RAB11FIP1: variants seen among roughly 807,000 people sequenced by gnomAD.
RAB11FIP1 encodes RAB11 family interacting protein 1.
In RAB11FIP1, 49 loss-of-function variants were observed where a neutral mutation model predicts 83.1. The ratio of observed to expected loss-of-function variants is 0.59; its 90% CI spans 0.47 to 0.75. The LOEUF (loss-of-function observed/expected upper bound fraction) is 0.75. RAB11FIP1 is among the 30% of genes least tolerant of loss of function. RAB11FIP1 has a pLI of 0.00. For synonymous variants in RAB11FIP1, 670 were observed against 656.0 expected (o/e 1.02, Z -0.33); for missense variants, 1,536 against 1,598.7 (o/e 0.96, Z 0.67).
rs1345850728 is a variant in RAB11FIP1 at position 37,899,020 on chromosome 8, G to A, written c.371+51C>T. 4.9e-6 allele frequency: 7 copies of A among 1,415,206 alleles called. No homozygotes were observed. The highest frequency in any genetic ancestry group is 5.5e-6 in the Non-Finnish European group (6 of 1,093,688). 87.7% of individuals were successfully genotyped at this position (1,415,206 alleles called of 1,614,324 possible). A position where few individuals can be genotyped will look rare whatever the true frequency, so the allele number is the denominator to read the frequency against. On this transcript the variant is annotated intron_variant, in intron 1 of 5. Transcript: ENST00000330843. The surrounding 1 kb of genome is among the most constrained non-coding windows in gnomAD (Gnocchi z 4.5). ...GGTCCAGCGCCCAGACCGCCCTGCC[G>A]GAGGGGTCCGCGCCCCCAGGCCGGG...
chr8:37,869,573 CAG>C (rs1371183416), intron 5 of RAB11FIP1, among the ~76,000 whole-genome samples: 1 of 152,034 alleles, frequency 6.6e-6, no homozygotes, highest in Non-Finnish European at 1.5e-5. Flanking sequence ...GCCTGGGTGA[CAG>C]AGTGAGACGC....
At position 37,862,910 on chromosome 8, in the gene RAB11FIP1, T is replaced by C. The variant is rs1055900290; in HGVS notation, c.3837A>G (p.Lys1279=). The change falls in exon 6 of 6, where the codon AAA becomes AAG. Residue 1279 remains lysine, a synonymous_variant. Transcript: ENST00000330843. ...TTCTGCTGATTTACATCTTTCCTGC[T>C]TTTTTGCCAACCTGAGTCGGGATGC... ...ILRIPTQVGK[K]AGKM The C allele has an allele frequency of 6.2e-7, 1 of 1,610,296 alleles. No individual in the cohort carries two copies. The highest frequency in any genetic ancestry group is 8.5e-7 in the Non-Finnish European group (1 of 1,177,324).
chr8:37,877,701 G>C, intron 1 of RAB11FIP1, 150 bp from the exon 2 acceptor site: 2 of 428,672 alleles, frequency 4.7e-6, no homozygotes, highest in Non-Finnish European at 8.3e-6. Flanking sequence ...TGGTAGATGA[G>C]AGCAGAATTT....
chr8:37,868,572 T>C (rs1345317494), intron 5 of RAB11FIP1, among the ~76,000 whole-genome samples: 2 of 152,190 alleles, frequency 1.3e-5, no homozygotes, highest in Non-Finnish European at 2.9e-5. Context: ...AGTTGGGAAG[T>C]CCCTCTCTAC....
At chr8:37,863,637 G>C (rs1490313391) in intron 5 of RAB11FIP1, among the ~76,000 whole-genome samples, 1 of 152,236 alleles carries the variant, frequency 6.6e-6, no homozygotes, top group Non-Finnish European at 1.5e-5. Flanking sequence ...TTGAGCCTTT[G>C]CGGGCCACAG....
At chr8:37,870,329 C>G (rs568869109) in intron 5 of RAB11FIP1, 91 bp downstream of exon 5, 9 of 684,256 alleles carry the variant, frequency 1.3e-5, no homozygotes, top group Non-Finnish European at 2.1e-5. Flanking sequence ...CTGGCACCAC[C>G]GGCTGCCCAG....
chr8:37,881,043 C>T (rs1174710500), intron 1 of RAB11FIP1, among the ~76,000 whole-genome samples: 9 of 152,220 alleles, frequency 5.9e-5, no homozygotes, highest in African/African-American at 9.6e-5. Flanking sequence ...CCCACTGCTA[C>T]GGCTCCTTCT....
intron 4 of RAB11FIP1, chr8:37,871,022 T>G: frequency 2.2e-6 from 1 of 454,182 alleles, no homozygotes; most frequent in Non-Finnish European, 3.9e-6. Flanking sequence ...ATTGCGTTTC[T>G]GCAATGTGCG....
chr8:37,890,595 T>G (rs1220090855), intron 1 of RAB11FIP1, among the ~76,000 whole-genome samples: 3 of 152,104 alleles, frequency 2.0e-5, no homozygotes. Flanking sequence ...AACTGCCTCC[T>G]TTGCCACAGG....
Position 37,871,964 on chromosome 8 carries a change from A to T in RAB11FIP1, c.2838T>A (p.Asp946Glu). Residue 946 changes from aspartate to glutamate, a missense_variant, in exon 4 of 6, where the codon GAT (aspartate) becomes GAA (glutamate). Asp to Glu is a conservative substitution (Grantham distance 45). Coordinates refer to ENST00000330843, the MANE Select transcript of RAB11FIP1 (RefSeq NM_001002814.3). The stretch of plus-strand genomic sequence containing the variant: ...GATCGGCCATGATTGGAGATTTAAA[A>T]TCTGAGACCAACTGAAGGTCACTCA... ...DPLSDLQLVS[D>E]FKSPIMADLN... 2.5e-6 allele frequency: 4 copies of T among 1,614,204 alleles called. No homozygotes were observed. The highest frequency in any genetic ancestry group is 3.4e-6 in the Non-Finnish European group (4 of 1,180,048).
intron 4 of RAB11FIP1, 65 bp from the exon 5 acceptor site, chr8:37,870,593 T>G (rs1806434264): frequency 1.2e-6 from 1 of 828,858 alleles, no homozygotes; most frequent in Non-Finnish European, 2.0e-6. Context: ...AACTGCCCAC[T>G]GCAAAGACGG....
In RAB11FIP1 at chr8:37,862,892, G is replaced by T. The variant is rs767929651; in HGVS notation, c.*3C>A. Reference sequence around the variant, plus strand: ...AACGTCTCGGTGTTTTTTTTCTGCTGATTTACATCTTTCCTGCTTTTTTGC... The same window carrying T: ...AACGTCTCGGTGTTTTTTTTCTGCTTATTTACATCTTTCCTGCTTTTTTGC... On this transcript the variant is annotated 3_prime_UTR_variant, in exon 6 of 6. Coordinates refer to ENST00000330843, the MANE Select transcript of RAB11FIP1 (RefSeq NM_001002814.3). 4.4e-6 allele frequency: 7 copies of T among 1,603,668 alleles called. No individual in the cohort carries two copies. The highest frequency in any genetic ancestry group is 1.7e-5 in the Admixed American group (1 of 58,402).
At chr8:37,873,828 G>A (rs1806539902) in intron 3 of RAB11FIP1, among the ~76,000 whole-genome samples, 1 of 151,982 alleles carries the variant, frequency 6.6e-6, no homozygotes, top group Admixed American at 6.6e-5. Context: ...CAAAGCAACA[G>A]GCACAGATAA....
chr8:37,889,413 G>A (rs1191310775), intron 1 of RAB11FIP1, among the ~76,000 whole-genome samples: 2 of 152,000 alleles, frequency 1.3e-5, no homozygotes, highest in Admixed American at 6.6e-5. Context: ...TACAAAGCTC[G>A]ATCCTATCTC....
At chr8:37,876,264 A>AGGAG (rs1449065965) in intron 2 of RAB11FIP1, among the ~76,000 whole-genome samples, 1 of 150,624 alleles carries the variant, frequency 6.6e-6, no homozygotes, top group South Asian at 2.1e-4. Flanking sequence ...GAAGGAAGGA[A>AGGAG]GAAAGAAGGA....
chr8:37,870,536 G>A lies in RAB11FIP1; in HGVS notation c.3525-8C>T. On this transcript the variant is annotated splice_polypyrimidine_tract_variant and splice_region_variant and intron_variant, in intron 4 of 5. Coordinates refer to ENST00000330843, the MANE Select transcript of RAB11FIP1 (RefSeq NM_001002814.3). ...GGCTTCACAGGATGAAGTCTAAAGA[G>A]AAGGGGAAAAGGATCTTTAGACCCT... 6.8e-7 allele frequency: 1 copy of A among 1,472,274 alleles called. No homozygotes were observed. Among genetic ancestry groups the A allele is most frequent in the South Asian group, 1.1e-5 (1 of 87,508 alleles). The allele number at this position is 1,472,274 out of a possible 1,614,324, so 91.2% of individuals were successfully genotyped here. A position where few individuals can be genotyped will look rare whatever the true frequency, so the allele number is the denominator to read the frequency against.
intron 1 of RAB11FIP1, among the ~76,000 whole-genome samples, chr8:37,889,609 T>C (rs1311805778): frequency 1.3e-5 from 2 of 152,180 alleles, no homozygotes. Flanking sequence ...TCACCACCCC[T>C]TAACCAGGAC....
In RAB11FIP1 at chr8:37,871,653, C is replaced by T. The variant is rs747024014; in HGVS notation, c.3149G>A (p.Gly1050Glu). ...TAPSEQTTEFGIHKPHLGKSS... is the reference protein window; with the variant it reads ...TAPSEQTTEFEIHKPHLGKSS... ...CTTGCCAAGATGTGGTTTGTGAATT[C>T]CGAACTCTGTGGTCTGCTCTGAAGG... Residue 1050 changes from glycine to glutamate, a missense_variant, in exon 4 of 6, where the codon GGA (glycine) becomes GAA (glutamate). Transcript: ENST00000330843. 3.1e-6 allele frequency: 5 copies of T among 1,612,124 alleles called. No individual in the cohort carries two copies. In the African/African-American group the frequency reaches 6.7e-5, roughly 22 times the overall value.
chr8:37,884,976 A>T (rs1585442836), intron 1 of RAB11FIP1, among the ~76,000 whole-genome samples: 1 of 146,866 alleles, frequency 6.8e-6, no homozygotes, highest in African/African-American at 2.5e-5. Context: ...GAGCCATTGC[A>T]CTCGGCCTAT....
Sources: allele counts gnomAD v4.1 joint callset (sites outside exome capture counted in the v4.1 genomes callset), GRCh38; gene constraint gnomAD v4.1.1; non-coding constraint Gnocchi (gnomAD v3.1); transcripts MANE v1.5; gene names NCBI Gene and HGNC (gene_info 2026-07-23, HGNC 2026-07-21).